CAAP1: variants seen among roughly 807,000 people sequenced by gnomAD.
CAAP1 encodes caspase activity and apoptosis inhibitor 1.
In CAAP1, 20 loss-of-function variants were observed where a neutral mutation model predicts 34.0. The ratio of observed to expected loss-of-function variants is 0.59; its 90% confidence interval spans 0.41 to 0.86. CAAP1 has a LOEUF of 0.86. CAAP1 is among the 40% of genes least tolerant of loss of function. The pLI is 0.00. For missense variants in CAAP1, 538 were observed against 450.5 expected, an observed-to-expected ratio of 1.19 and a Z score of -1.76; for synonymous variants, 213 against 166.7, an observed-to-expected ratio of 1.28 and a Z score of -2.14.
intron 4 of CAAP1, among the ~76,000 whole-genome samples, chr9:26,867,407 A>G (rs1312525570): frequency 6.6e-6 from 1 of 152,212 alleles, no homozygotes; most frequent in African/African-American, 2.4e-5. Flanking sequence ...TTGCATTTAG[A>G]GCCCACAAAA....
At chr9:26,892,216 T>G (rs546948722) in intron 1 of CAAP1, 197 bp downstream of exon 1, 2 of 1,403,208 alleles carry the variant, frequency 1.4e-6, no homozygotes, top group African/African-American at 2.9e-5. Context: ...TCCAGAAACT[T>G]GAAGTTCAAG....
chr9:26,854,743 C>G (rs1175806318), intron 5 of CAAP1, among the ~76,000 whole-genome samples: 1 of 152,134 alleles, frequency 6.6e-6, no homozygotes, highest in African/African-American at 2.4e-5. Context: ...CACAAATGAT[C>G]TGAGAAGACA....
chr9:26,891,388 G>A (rs1350252938), intron 1 of CAAP1, among the ~76,000 whole-genome samples: 1 of 152,058 alleles, frequency 6.6e-6, no homozygotes, highest in African/African-American at 2.4e-5. Flanking sequence ...TCAGAAATAG[G>A]TATTCTTATA....
rs1254636437 is a variant in CAAP1 at position 26,892,550 on chromosome 9, C to T, written c.166G>A (p.Gly56Arg). ...ACACTTCCACTAAAATTGGCGTTCC[C>T]ACAGCAGCTGACGCTCCCGCAGCCC... The part of the protein sequence containing the change: ...AGGCGSVSCC[G>R]NANFSGSVTG... The change falls in exon 1 of 6, where the codon GGG becomes AGG. Residue 56 changes from glycine to arginine, a missense_variant. Around this residue, in one of 3 missense-constraint regions of CAAP1, gnomAD observed 514 missense variants for 408.4 expected, o/e 1.26. Transcript: ENST00000333916. 1.3e-6 allele frequency: 2 copies of T among 1,581,512 alleles called. No individual in the cohort carries two copies. Among genetic ancestry groups the T allele is most frequent in the Non-Finnish European group, 1.7e-6 (2 of 1,164,246 alleles).
intron 4 of CAAP1, among the ~76,000 whole-genome samples, chr9:26,874,142 A>G (rs1209925945): frequency 1.4e-5 from 2 of 146,832 alleles, no homozygotes; most frequent in African/African-American, 2.6e-5. Flanking sequence ...GGGAGGTGGA[A>G]CTTGCAGTGA....
chr9:26,874,066 ATGTGGTGG>A (rs1823354863), intron 4 of CAAP1, among the ~76,000 whole-genome samples: 1 of 151,730 alleles, frequency 6.6e-6, no homozygotes, highest in African/African-American at 2.4e-5. Context: ...AATTAGCCGG[ATGTGGTGG>A]CAGGCACCTG....
At chr9:26,888,049 T>C (rs1823795965) in intron 1 of CAAP1, among the ~76,000 whole-genome samples, 1 of 152,240 alleles carries the variant, frequency 6.6e-6, no homozygotes, top group African/African-American at 2.4e-5. Flanking sequence ...CTCCCAACTC[T>C]ATCCAGTCTC....
intron 4 of CAAP1, among the ~76,000 whole-genome samples, chr9:26,873,511 C>G (rs1381652005): frequency 1.3e-5 from 2 of 152,124 alleles, no homozygotes. Flanking sequence ...AATCTCAATC[C>G]TGATTATTTT....
chr9:26,842,745 C>T, intron 5 of CAAP1, 98 bp from the exon 6 acceptor site: 2 of 967,898 alleles, frequency 2.1e-6, no homozygotes, highest in South Asian at 1.7e-5. Context: ...ATCCCACCTC[C>T]CACTATGGAG....
At chr9:26,858,094 G>A (rs938678718) in intron 5 of CAAP1, among the ~76,000 whole-genome samples, 3 of 152,100 alleles carry the variant, frequency 2.0e-5, no homozygotes, top group African/African-American at 4.8e-5. Flanking sequence ...GGTTACTTTC[G>A]TACTAAATAA....
intron 2 of CAAP1, among the ~76,000 whole-genome samples, chr9:26,886,480 T>C (rs1016973942): frequency 3.8e-4 from 58 of 152,338 alleles, no homozygotes; most frequent in African/African-American, 1.4e-3. Flanking sequence ...TTATGTTAAG[T>C]AATTATTCTA....
chr9:26,863,491 A>C (rs1823053317), intron 4 of CAAP1, among the ~76,000 whole-genome samples: 1 of 152,206 alleles, frequency 6.6e-6, no homozygotes, highest in African/African-American at 2.4e-5. Flanking sequence ...TATTTACAAA[A>C]AGGAAATATC....
intron 5 of CAAP1, among the ~76,000 whole-genome samples, chr9:26,853,361 C>A (rs1340414526): frequency 2.0e-5 from 3 of 152,096 alleles, no homozygotes; most frequent in Non-Finnish European, 2.9e-5. Context: ...ACAGAGGGAT[C>A]TAGAATTTAT....
Position 26,842,466 on chromosome 9 carries a change from TC to T in CAAP1, c.920del (p.Gly307AspfsTer33). On this transcript the variant is annotated frameshift_variant, in exon 6 of 6. Transcript: ENST00000333916. LOFTEE classifies it high-confidence loss of function. ...GTTCGTTTGGGCTAGACTCTGCCAG[TC>T]CTAGAATCTCATTCACACTTTTCTC... ...DIEKSVNEILGLAESSPNEPK... is the reference protein window; with the variant it reads ...DIEKSVNEILXLAESSPNEPK... 6 of 1,614,130 alleles carry T rather than the reference TC, an allele frequency of 3.7e-6. No individual in the cohort carries two copies. Among genetic ancestry groups the T allele is most frequent in the Non-Finnish European group, 5.1e-6 (6 of 1,180,010 alleles).
At chr9:26,880,682 TCTTTA>T (rs1823571492) in intron 4 of CAAP1, 1 of 152,374 alleles carries the variant, frequency 6.6e-6, no homozygotes, top group South Asian at 2.1e-4. Context: ...CATCTTTCTT[TCTTTA>T]TTTATTTTTT....
chr9:26,886,976 G>GA (rs2131342259), intron 2 of CAAP1, among the ~76,000 whole-genome samples: 1 of 152,258 alleles, frequency 6.6e-6, no homozygotes, highest in East Asian at 1.9e-4. Flanking sequence ...AACACCTTGG[G>GA]AGGCCAAGGT....
intron 4 of CAAP1, among the ~76,000 whole-genome samples, chr9:26,861,398 A>G (rs1823000285): frequency 6.6e-6 from 1 of 152,148 alleles, no homozygotes; most frequent in Non-Finnish European, 1.5e-5. Flanking sequence ...CATGGAAGTA[A>G]TTTTTTCTCC....
In CAAP1 at chr9:26,878,147, A is replaced by G. The variant is rs117555663; in HGVS notation, c.665+6663T>C. ...CTTACAGAATTTAGTTTAAAAAATCATATTTTCCAGCCCAAGAATAATTCT... is the reference window on the plus strand; with the variant it reads ...CTTACAGAATTTAGTTTAAAAAATCGTATTTTCCAGCCCAAGAATAATTCT... On this transcript the variant is annotated intron_variant, in intron 4 of 5. Transcript: ENST00000333916. Among the ~76,000 whole-genome samples, 1,245 of 152,302 alleles carry G rather than the reference A, an allele frequency of 8.2e-3. 12 individuals carry two copies. Among genetic ancestry groups the G allele is most frequent in the Non-Finnish European group, 9.5e-3 (644 of 68,010 alleles).
chr9:26,851,507 G>T (rs1822752220), intron 5 of CAAP1, among the ~76,000 whole-genome samples: 1 of 152,178 alleles, frequency 6.6e-6, no homozygotes, highest in Non-Finnish European at 1.5e-5. Flanking sequence ...AAGCACAATA[G>T]GGACTCCCTG....
Sources: gnomAD v4.1 joint callset for allele counts (sites outside exome capture counted in the v4.1 genomes callset) on GRCh38, gnomAD v4.1.1 for gene constraint, gnomAD v4.1.1 regional missense constraint, MANE v1.5 for transcripts, NCBI Gene and HGNC (gene_info 2026-07-23, HGNC 2026-07-21) for gene names.